Variants in XKR9 observed in about 807,000 individuals in gnomAD.
The protein encoded by XKR9 is XK-related protein 9.
Under a neutral mutation model 32.0 loss-of-function variants are expected in XKR9, and 32 were observed. The observed-to-expected ratio is 1.00, with a 90% CI of 0.76 to 1.34. The LOEUF (loss-of-function observed/expected upper bound fraction) is 1.34, where lower values mean the gene tolerates loss of function less well. XKR9 is among the 40% of genes most tolerant of loss of function. The pLI is 0.00. For synonymous variants in XKR9, 168 were observed against 143.4 expected, an observed-to-expected ratio of 1.17 and a Z score of -1.22; for missense variants, 546 against 429.7, an observed-to-expected ratio of 1.27 and a Z score of -2.39.
the XKR9 span, among the ~76,000 whole-genome samples, chr8:70,895,598 C>T: frequency 6.6e-6 from 1 of 152,060 alleles, no homozygotes; most frequent in Non-Finnish European, 1.5e-5. Context: ...TCTTCACCCC[C>T]ATCTTAAGGA....
chr8:71,059,171 T>C, the XKR9 span, among the ~76,000 whole-genome samples: 1 of 152,224 alleles, frequency 6.6e-6, no homozygotes, highest in African/African-American at 2.4e-5. Context: ...AAGGCAGGAA[T>C]AAAGCCAACC....
At chr8:70,885,938 C>A in the XKR9 span, among the ~76,000 whole-genome samples, 13 of 151,698 alleles carry the variant, frequency 8.6e-5, no homozygotes, top group African/African-American at 3.2e-4. Context: ...ATGTGCAGAA[C>A]GTGCAGTTTT....
the XKR9 span, among the ~76,000 whole-genome samples, chr8:70,866,129 A>T: frequency 6.6e-6 from 1 of 152,210 alleles, no homozygotes; most frequent in East Asian, 1.9e-4. Context: ...GATGCTTTGC[A>T]TGTATTAATA....
chr8:70,971,414 T>C, the XKR9 span, among the ~76,000 whole-genome samples: 1 of 151,960 alleles, frequency 6.6e-6, no homozygotes, highest in Non-Finnish European at 1.5e-5. Flanking sequence ...GTGTGGGTTA[T>C]CTGTTAACTC....
chr8:71,044,970 AT>A, the XKR9 span, among the ~76,000 whole-genome samples: 1 of 152,186 alleles, frequency 6.6e-6, no homozygotes, highest in Admixed American at 6.5e-5. Flanking sequence ...GAATAATGGG[AT>A]TTCTGAGACA....
the XKR9 span, among the ~76,000 whole-genome samples, chr8:70,869,378 A>G: frequency 1.3e-5 from 2 of 152,234 alleles, no homozygotes; most frequent in Admixed American, 1.3e-4. Flanking sequence ...GGCAAGAAAG[A>G]GTAAGTTACA....
chr8:70,701,989 A>C (rs1213098184), intron 3 of XKR9, among the ~76,000 whole-genome samples: 2 of 152,160 alleles, frequency 1.3e-5, no homozygotes, highest in African/African-American at 4.8e-5. Flanking sequence ...TGCTCTTTTT[A>C]GTACATATAA....
chr8:70,895,833 A>G, the XKR9 span, among the ~76,000 whole-genome samples: 2 of 150,136 alleles, frequency 1.3e-5, no homozygotes, highest in African/African-American at 4.9e-5. Flanking sequence ...AAAAAAAAAA[A>G]AAAAAGAAAA....
chr8:70,813,877 C>A, the XKR9 span, among the ~76,000 whole-genome samples: 1 of 152,170 alleles, frequency 6.6e-6, no homozygotes, highest in Non-Finnish European at 1.5e-5. Context: ...TTGTGGAAGT[C>A]AGTGTGGCGA....
chr8:70,865,792 T>G, the XKR9 span, among the ~76,000 whole-genome samples: 3 of 152,210 alleles, frequency 2.0e-5, no homozygotes, highest in Non-Finnish European at 4.4e-5. Flanking sequence ...AAGTGTGGTG[T>G]CCAGAACACT....
At chr8:71,051,592 T>C in the XKR9 span, among the ~76,000 whole-genome samples, 2 of 152,046 alleles carry the variant, frequency 1.3e-5, no homozygotes, top group African/African-American at 4.8e-5. Flanking sequence ...ATTTGGCCCA[T>C]ATGGTTTATT....
the XKR9 span, among the ~76,000 whole-genome samples, chr8:70,993,656 T>G: frequency 7.0e-6 from 1 of 142,064 alleles, no homozygotes; most frequent in South Asian, 2.2e-4. Context: ...CTTCCTTCCT[T>G]CCTTCCTTCC....
chr8:70,987,153 A>G, the XKR9 span, among the ~76,000 whole-genome samples: 2 of 152,200 alleles, frequency 1.3e-5, no homozygotes, highest in Non-Finnish European at 2.9e-5. Context: ...GTGGGGACAC[A>G]GCCAAACCAT....
At chr8:70,698,642 TG>T (rs1220229601) in intron 3 of XKR9, among the ~76,000 whole-genome samples, 2 of 152,006 alleles carry the variant, frequency 1.3e-5, no homozygotes, top group African/African-American at 2.4e-5. Flanking sequence ...GGTGTGGTGC[TG>T]AAAAAAATGT....
the XKR9 span, among the ~76,000 whole-genome samples, chr8:70,797,831 TG>T: frequency 1.3e-5 from 2 of 152,310 alleles, no homozygotes; most frequent in East Asian, 3.9e-4. Flanking sequence ...TACATTAGTT[TG>T]CTTAGGACAA....
Position 70,680,819 on chromosome 8 carries a change from G to T in XKR9, c.-240G>T. ...TAATGAAGATCATTGTGAAACAGAA[G>T]ATTGATTAAAGCCTTGTAACATTGG... On this transcript the variant is annotated 5_prime_UTR_variant, in exon 3 of 5. Coordinates refer to ENST00000408926, the MANE Select transcript of XKR9 (RefSeq NM_001011720.2). 3.3e-6 allele frequency: 1 copy of T among 301,718 alleles called. No individual in the cohort carries two copies. Among genetic ancestry groups the T allele is most frequent in the Non-Finnish European group, 6.1e-6 (1 of 162,666 alleles). The allele number at this position is 301,718 out of a possible 1,614,324, so 18.7% of individuals were successfully genotyped here.
chr8:70,693,125 A>G (rs1805139696), intron 3 of XKR9, among the ~76,000 whole-genome samples: 1 of 152,152 alleles, frequency 6.6e-6, no homozygotes, highest in Non-Finnish European at 1.5e-5. Context: ...GACACTTGGC[A>G]TTTGAGTTAC....
At chr8:70,762,946 T>G (rs1468159997) in intron 2 of XKR9, among the ~76,000 whole-genome samples, 5 of 152,314 alleles carry the variant, frequency 3.3e-5, no homozygotes, top group Non-Finnish European at 5.9e-5. Context: ...GAGACACTAT[T>G]GAAATCATGA....
exon 3 of XKR9, chr8:70,789,417 A>G (rs988567216): frequency 2.6e-5 from 4 of 152,100 alleles, no homozygotes; most frequent in Admixed American, 2.0e-4. Flanking sequence ...ATAACTGCAC[A>G]ATCATCAATC....
Sources: allele counts gnomAD v4.1 joint callset (sites outside exome capture counted in the v4.1 genomes callset), GRCh38; gene constraint gnomAD v4.1.1; transcripts MANE v1.5; gene names NCBI Gene and HGNC (gene_info 2026-07-23, HGNC 2026-07-21).